Variants in TRPM3 observed in about 807,000 individuals in gnomAD.
TRPM3 encodes the protein transient receptor potential cation channel subfamily M member 3, also known as long transient receptor potential channel 3.
Under a neutral mutation model 181.2 loss-of-function variants are expected in TRPM3, and 77 were observed. That is an observed-to-expected ratio of 0.42 (90% CI 0.35 to 0.51). The LOEUF (loss-of-function observed/expected upper bound fraction) is 0.51. Ranked by LOEUF, TRPM3 falls within the 20% of genes least tolerant of loss-of-function variation. TRPM3 has a pLI of 0.01. For synonymous variants in TRPM3, 745 were observed against 796.4 expected (o/e 0.94, Z 1.09); for missense variants, 1,759 against 2,196.7 (o/e 0.80, Z 3.98).
chr9:70,574,091 C>T (rs570224000), intron 22 of TRPM3, among the ~76,000 whole-genome samples: 16 of 128,386 alleles, frequency 1.2e-4, no homozygotes, highest in East Asian at 2.7e-4. Flanking sequence ...CACACGCGCG[C>T]GCACACACAC....
intron 1 of TRPM3, among the ~76,000 whole-genome samples, chr9:71,357,523 A>C (rs1306992105): frequency 6.6e-6 from 1 of 152,130 alleles, no homozygotes; most frequent in Non-Finnish European, 1.5e-5. Context: ...CTTTGGCAGG[A>C]ATTTGCATCT....
intron 1 of TRPM3, among the ~76,000 whole-genome samples, chr9:71,282,281 A>AAAG (rs1565418562): frequency 3.1e-4 from 18 of 58,822 alleles, no homozygotes; most frequent in Admixed American, 7.8e-4. Flanking sequence ...AGAAAGAAAG[A>AAAG]AAAGAAAGAA....
chr9:70,802,117 A>C (rs1046721742), intron 6 of TRPM3, among the ~76,000 whole-genome samples: 21 of 152,316 alleles, frequency 1.4e-4, no homozygotes, highest in African/African-American at 5.1e-4. Context: ...CTTTGAGAAC[A>C]GTGTCCTAGC....
At chr9:70,565,128 C>G (rs2050208241) in intron 22 of TRPM3, among the ~76,000 whole-genome samples, 1 of 152,140 alleles carries the variant, frequency 6.6e-6, no homozygotes, top group Non-Finnish European at 1.5e-5. Context: ...ACTATGTGTC[C>G]AAATGTATGC....
intron 1 of TRPM3, among the ~76,000 whole-genome samples, chr9:70,921,073 T>G (rs555060966): frequency 6.6e-6 from 1 of 152,326 alleles, no homozygotes; most frequent in East Asian, 1.9e-4. Flanking sequence ...CCACTCTGGT[T>G]TTTGGTTAAC....
At chr9:71,216,578 T>G (rs2079879763) in intron 1 of TRPM3, among the ~76,000 whole-genome samples, 1 of 152,210 alleles carries the variant, frequency 6.6e-6, no homozygotes, top group Non-Finnish European at 1.5e-5. Context: ...ACATAATTAG[T>G]TAATTGTTCT....
chr9:70,988,890 A>G (rs2097448407), intron 1 of TRPM3, among the ~76,000 whole-genome samples: 1 of 152,132 alleles, frequency 6.6e-6, no homozygotes, highest in African/African-American at 2.4e-5. Context: ...AGCAAGACAA[A>G]AGGATTTCCT....
intron 3 of TRPM3, among the ~76,000 whole-genome samples, chr9:70,860,559 T>C (rs1185949369): frequency 6.6e-6 from 1 of 152,170 alleles, no homozygotes; most frequent in African/African-American, 2.4e-5. Flanking sequence ...AGCCCATTAA[T>C]GACAGTCAGG....
chr9:71,348,202 T>G (rs982368882), intron 1 of TRPM3, among the ~76,000 whole-genome samples: 2 of 152,210 alleles, frequency 1.3e-5, no homozygotes, highest in Admixed American at 1.3e-4. Flanking sequence ...ACTAATAATT[T>G]AAATAAATGT....
intron 8 of TRPM3, among the ~76,000 whole-genome samples, chr9:70,749,610 A>G (rs1212688960): frequency 6.6e-6 from 1 of 152,164 alleles, no homozygotes; most frequent in African/African-American, 2.4e-5. Context: ...TTTACCAAAA[A>G]CTGTGTAGTA....
intron 1 of TRPM3, among the ~76,000 whole-genome samples, chr9:71,345,941 T>C (rs757984014): frequency 1.3e-5 from 2 of 152,200 alleles, no homozygotes; most frequent in Non-Finnish European, 2.9e-5. Context: ...CAACTGGAAG[T>C]CTTAACCTTA....
chr9:71,335,905 G>C lies in TRPM3; in HGVS notation c.183+110748C>G, dbSNP rs2090522799. ...GCATATGAACAGCATGAGCAGCAGA[G>C]AGATTTGCCAAAGTCAGAAAAATCA... On this transcript the variant is annotated intron_variant, in intron 1 of 24. Transcript: ENST00000357533. 2.0e-5 allele frequency among the ~76,000 whole-genome samples: 3 copies of C among 152,124 alleles called. 1 individual carries two copies. The South Asian group carries it at 6.2e-4, about 31-fold the overall frequency.
chr9:70,757,999 G>T (rs1288676025), intron 8 of TRPM3, among the ~76,000 whole-genome samples: 1 of 152,176 alleles, frequency 6.6e-6, no homozygotes, highest in South Asian at 2.1e-4. Flanking sequence ...GCAAGAGAAA[G>T]AAATAAAGCG....
Position 71,420,705 on chromosome 9 carries a change from G to GAA in TRPM3, c.183+25947_183+25948insTT, listed in dbSNP as rs1565556783. 1.3e-4 allele frequency among the ~76,000 whole-genome samples: 17 copies of GAA among 131,488 alleles called. 1 individual carries two copies. In the East Asian group the frequency reaches 2.1e-3, roughly 16 times the overall value. The allele number at this position is 131,488 out of a possible 152,430, so 86.3% of individuals were successfully genotyped here. A position where few individuals can be genotyped will look rare whatever the true frequency, so the allele number is the denominator to read the frequency against. On this transcript the variant is annotated intron_variant, in intron 1 of 24. Transcript: ENST00000357533. ...AAAGAGAAAGGGAAAGAGAAAGAGA[G>GAA]AGAAAGAAAGAGAGAAAGAGAGAGA...
intron 1 of TRPM3, among the ~76,000 whole-genome samples, chr9:70,900,734 C>T (rs559866150): frequency 3.3e-5 from 5 of 152,194 alleles, no homozygotes; most frequent in African/African-American, 4.8e-5. Flanking sequence ...CTTCTGATGC[C>T]GCCCTAAATC....
intron 1 of TRPM3, among the ~76,000 whole-genome samples, chr9:70,933,595 G>A (rs1175571706): frequency 6.6e-6 from 1 of 152,126 alleles, no homozygotes; most frequent in East Asian, 1.9e-4. Context: ...GACAGTAGAG[G>A]TGTGGAAAAG....
At chr9:71,095,954 T>A (rs1157537072) in intron 1 of TRPM3, among the ~76,000 whole-genome samples, 1 of 152,100 alleles carries the variant, frequency 6.6e-6, no homozygotes, top group Non-Finnish European at 1.5e-5. Flanking sequence ...ATTCTCTTCA[T>A]CTATGATCAC....
intron 1 of TRPM3, among the ~76,000 whole-genome samples, chr9:70,916,582 G>T (rs2096597123): frequency 1.3e-5 from 2 of 151,988 alleles, no homozygotes; most frequent in South Asian, 2.1e-4. Context: ...TTTTTGCAGG[G>T]TGGATAAGCT....
intron 3 of TRPM3, among the ~76,000 whole-genome samples, chr9:70,854,523 T>G (rs1356933739): frequency 1.3e-5 from 2 of 152,194 alleles, no homozygotes; most frequent in Non-Finnish European, 2.9e-5. Flanking sequence ...TAACTTGCCT[T>G]TAGCTCTTTA....
Sources: allele counts gnomAD v4.1 joint callset (sites outside exome capture counted in the v4.1 genomes callset), GRCh38; gene constraint gnomAD v4.1.1; transcripts MANE v1.5; gene names NCBI Gene and HGNC (gene_info 2026-07-23, HGNC 2026-07-21).